The following ADGRB3 variants were observed in gnomAD, a reference collection of about 807,000 sequenced individuals.
ADGRB3 encodes the protein adhesion G protein-coupled receptor B3, also known as brain-specific angiogenesis inhibitor 3.
A neutral mutation model predicts 193.4 loss-of-function variants in ADGRB3; 37 were observed. The ratio of observed to expected loss-of-function variants is 0.19; its 90% CI spans 0.15 to 0.25. The LOEUF (loss-of-function observed/expected upper bound fraction) is 0.25, where lower values mean the gene tolerates loss of function less well. Ranked by LOEUF, ADGRB3 falls within the 10% of genes least tolerant of loss-of-function variation. The probability of loss-of-function intolerance (pLI) is 1.00; values close to 1 mark genes in which losing one functional copy is unlikely to be tolerated. For synonymous variants in ADGRB3, 690 were observed against 644.2 expected, an observed-to-expected ratio of 1.07 and a Z score of -1.08; for missense variants, 1,637 against 1,852.9, an observed-to-expected ratio of 0.88 and a Z score of 2.14.
chr6:69,175,345 T>A (rs1188687164), intron 17 of ADGRB3, among the ~76,000 whole-genome samples: 1 of 152,100 alleles, frequency 6.6e-6, no homozygotes, highest in African/African-American at 2.4e-5. Flanking sequence ...CCAGTTTCAT[T>A]CTTCTGCATA....
chr6:69,140,806 C>CA (rs1461943577), intron 17 of ADGRB3, among the ~76,000 whole-genome samples: 1 of 151,190 alleles, frequency 6.6e-6, no homozygotes, highest in African/African-American at 2.4e-5. Flanking sequence ...AAATAAAAAT[C>CA]AAAAAAAGAG....
intron 17 of ADGRB3, chr6:69,232,987 C>A: frequency 2.3e-6 from 1 of 433,796 alleles, no homozygotes; most frequent in Non-Finnish European, 4.1e-6. Flanking sequence ...GCTGCTCGTG[C>A]TGCCGCCGCT....
rs193277246 is a variant in ADGRB3 at position 69,345,540 on chromosome 6, G to A, written c.3459+6036G>A. ...CTCAATAGATGCAGAAAAGGCCTTC[G>A]ATAAAATTCAAAACCCCTTCATGCT... On this transcript the variant is annotated intron_variant, in intron 26 of 31. Transcript: ENST00000370598. 2.6e-3 allele frequency among the ~76,000 whole-genome samples: 402 copies of A among 152,178 alleles called. 1 individual carries two copies. The highest frequency in any genetic ancestry group is 9.1e-3 in the African/African-American group (377 of 41,510).
At chr6:68,902,398 C>A (rs4706062) in intron 3 of ADGRB3, among the ~76,000 whole-genome samples, 2 of 151,870 alleles carry the variant, frequency 1.3e-5, no homozygotes, top group Non-Finnish European at 2.9e-5. Context: ...TTTCATTTAT[C>A]TTTCATTACG....
chr6:68,760,153 A>G (rs1766369757), intron 3 of ADGRB3, among the ~76,000 whole-genome samples: 1 of 152,220 alleles, frequency 6.6e-6, no homozygotes, highest in Non-Finnish European at 1.5e-5. Context: ...AGCATTGCAT[A>G]ATGAAAATCA....
intron 17 of ADGRB3, among the ~76,000 whole-genome samples, chr6:69,213,518 C>T (rs555904752): frequency 8.1e-4 from 123 of 152,228 alleles, no homozygotes; most frequent in African/African-American, 2.8e-3. Flanking sequence ...CATTCTCTTG[C>T]TATATAGCAT....
At chr6:69,029,638 A>G (rs968140498) in intron 13 of ADGRB3, among the ~76,000 whole-genome samples, 2 of 152,158 alleles carry the variant, frequency 1.3e-5, no homozygotes, top group Non-Finnish European at 2.9e-5. Flanking sequence ...TGTACAATGT[A>G]TGAGAAAAGA....
At chr6:68,954,960 C>T (rs189352631) in intron 6 of ADGRB3, among the ~76,000 whole-genome samples, 1 of 152,114 alleles carries the variant, frequency 6.6e-6, no homozygotes, top group Non-Finnish European at 1.5e-5. Flanking sequence ...CGATTACAGG[C>T]GTGTTCAATG....
intron 20 of ADGRB3, among the ~76,000 whole-genome samples, chr6:69,268,851 T>A (rs992463221): frequency 3.3e-5 from 5 of 151,806 alleles, no homozygotes; most frequent in African/African-American, 1.2e-4. Context: ...ATGGCTGGAG[T>A]GCTTTCTTTG....
In ADGRB3 at chr6:68,642,856, G is replaced by A. The variant is rs1018968630; in HGVS notation, c.757+3424G>A. Among the ~76,000 whole-genome samples, 3 of 150,736 alleles carry A rather than the reference G, an allele frequency of 2.0e-5. No individual in the cohort carries two copies. In the East Asian group the frequency reaches 5.8e-4, roughly 29 times the overall value. On this transcript the variant is annotated intron_variant, in intron 3 of 31. Transcript: ENST00000370598. ...ATGGTTTACCAGTTTTTAGGTACAA[G>A]TCAGGAGAAAGACTGGTATTTATTA...
chr6:68,891,109 G>T (rs1258019999), intron 3 of ADGRB3, among the ~76,000 whole-genome samples: 1 of 152,158 alleles, frequency 6.6e-6, no homozygotes, highest in African/African-American at 2.4e-5. Flanking sequence ...GTCTTACATG[G>T]ATGGCAGCAG....
chr6:68,890,263 A>G (rs1479061460), intron 3 of ADGRB3, among the ~76,000 whole-genome samples: 5 of 152,220 alleles, frequency 3.3e-5, no homozygotes, highest in Admixed American at 3.3e-4. Context: ...ACAGGTAAGT[A>G]CAATCACTTG....
intron 13 of ADGRB3, among the ~76,000 whole-genome samples, chr6:69,037,801 C>T (rs1255354227): frequency 6.6e-6 from 1 of 152,136 alleles, no homozygotes; most frequent in African/African-American, 2.4e-5. Context: ...TTCATAGCTT[C>T]CCACCTGACT....
intron 17 of ADGRB3, among the ~76,000 whole-genome samples, chr6:69,176,815 T>C (rs1260407795): frequency 6.6e-6 from 1 of 152,196 alleles, no homozygotes; most frequent in Non-Finnish European, 1.5e-5. Flanking sequence ...GAACTCAATA[T>C]TGATCTGCTC....
chr6:69,066,498 A>G lies in ADGRB3; in HGVS notation c.2436+3462A>G, dbSNP rs183814215. Among the ~76,000 whole-genome samples the G allele has an allele frequency of 1.2e-3, 189 of 152,194 alleles. 1 individual carries two copies. Among genetic ancestry groups the G allele is most frequent in the African/African-American group, 4.5e-3 (186 of 41,550 alleles). On this transcript the variant is annotated intron_variant, in intron 16 of 31. Transcript: ENST00000370598. Reference sequence around the variant, plus strand: ...AAGCTTTTTAACAAATAGCATTTACAATATGTTAAATATAATAAGGCTCTT... The same window carrying G: ...AAGCTTTTTAACAAATAGCATTTACGATATGTTAAATATAATAAGGCTCTT...
chr6:69,032,646 G>T (rs1263615941), intron 13 of ADGRB3, among the ~76,000 whole-genome samples: 1 of 152,052 alleles, frequency 6.6e-6, no homozygotes, highest in African/African-American at 2.4e-5. Flanking sequence ...AAGAAATCTG[G>T]ACTAAATTAT....
intron 20 of ADGRB3, among the ~76,000 whole-genome samples, chr6:69,241,234 T>C (rs1766378715): frequency 6.6e-6 from 1 of 151,884 alleles, no homozygotes; most frequent in Non-Finnish European, 1.5e-5. Flanking sequence ...AAGCCACATA[T>C]GTAATTTAAA....
chr6:69,137,200 A>G (rs1193885879), intron 17 of ADGRB3, among the ~76,000 whole-genome samples: 1 of 151,796 alleles, frequency 6.6e-6, no homozygotes, highest in African/African-American at 2.4e-5. Flanking sequence ...ATAACCATCC[A>G]AAGTTATTTC....
At chr6:68,831,186 T>TA (rs1167878402) in intron 3 of ADGRB3, among the ~76,000 whole-genome samples, 5 of 143,972 alleles carry the variant, frequency 3.5e-5, no homozygotes, top group Non-Finnish European at 7.5e-5. Context: ...AGAGACACAA[T>TA]AAAAAACGTG....
Sources: gnomAD v4.1 joint callset for allele counts (sites outside exome capture counted in the v4.1 genomes callset) on GRCh38, gnomAD v4.1.1 for gene constraint, MANE v1.5 for transcripts, NCBI Gene and HGNC (gene_info 2026-07-23, HGNC 2026-07-21) for gene names.